NDUFAF3: variants seen among roughly 807,000 people sequenced by gnomAD.
NDUFAF3 encodes NADH:ubiquinone oxidoreductase complex assembly factor 3, also known as NADH dehydrogenase [ubiquinone] 1 alpha subcomplex assembly factor 3.
A neutral mutation model predicts 22.6 loss-of-function variants in NDUFAF3; 21 were observed. The ratio of observed to expected loss-of-function variants is 0.93; its 90% CI spans 0.66 to 1.34. The LOEUF is 1.34. Among genes scored for constraint, NDUFAF3 ranks in the 40% most tolerant of loss-of-function variants. NDUFAF3 has a pLI of 0.00. For synonymous variants in NDUFAF3, 113 were observed against 104.9 expected (o/e 1.08, Z -0.47); for missense variants, 251 against 248.4 (o/e 1.01, Z -0.07).
At chr3:49,022,074 A>G, upstream of NDUFAF3, 1 of 1,504,080 alleles carries the variant, frequency 6.6e-7, no homozygotes, top group Non-Finnish European at 9.0e-7. The surrounding 1 kb of genome is among the most constrained non-coding windows in gnomAD (Gnocchi z 6.6). Flanking sequence ...ACGCTGGGTC[A>G]GGCTCCGCAG....
At position 49,022,880 on chromosome 3, in the gene NDUFAF3, C is replaced by A; in HGVS notation, c.342C>A (p.Ile114=). The change falls in exon 4 of 5, where the codon ATC becomes ATA. Residue 114 remains isoleucine, a synonymous_variant. Coordinates refer to ENST00000326925, the MANE Select transcript of NDUFAF3 (RefSeq NM_199069.2). The surrounding 1 kb of genome is among the most constrained non-coding windows in gnomAD (Gnocchi z 6.6). ...GCCACACCCACCCTTCCCTAGAGAT[C>A]GTGGTGGTGGGGACTGGAGACCGGA... ...LFWLLEPRIE[I]VVVGTGDRTE... is the part of the protein sequence containing the mutation. 1 of 1,613,904 alleles carries A rather than the reference C, an allele frequency of 6.2e-7. No homozygotes were observed. Among genetic ancestry groups the A allele is most frequent in the South Asian group, 1.1e-5 (1 of 91,080 alleles).
At position 49,022,466 on chromosome 3, in the gene NDUFAF3, C is replaced by T; in HGVS notation, c.198C>T (p.Arg66=). ...QAMYIDSYNS[R]GFMINGNRVL... ...TGTACATCGACAGCTACAACAGCCG[C>T]GGCTTCATGATAAACGGAAACCGCG... The change falls in exon 2 of 5, where the codon CGC becomes CGT. Residue 66 remains arginine, a synonymous_variant. Coordinates refer to ENST00000326925, the MANE Select transcript of NDUFAF3 (RefSeq NM_199069.2). The surrounding 1 kb of genome is among the most constrained non-coding windows in gnomAD (Gnocchi z 6.6). The T allele has an allele frequency of 6.2e-7, 1 of 1,613,166 alleles. No homozygotes were observed.
chr3:49,023,292 T>G lies in NDUFAF3; in HGVS notation c.*120T>G. On this transcript the variant is annotated 3_prime_UTR_variant, in exon 5 of 5. Coordinates refer to ENST00000326925, the MANE Select transcript of NDUFAF3 (RefSeq NM_199069.2). ...AATAATTTATACACTTCTCCCATTT[T>G]GTATCAGGTGTGTTGCTGGCCAGGA... is the stretch of plus-strand genomic sequence containing the variant. 1 of 866,612 alleles carries G rather than the reference T, an allele frequency of 1.2e-6. No individual in the cohort carries two copies. The highest frequency in any genetic ancestry group is 2.0e-6 in the Non-Finnish European group (1 of 507,618). 53.7% of individuals were successfully genotyped at this position (866,612 alleles called of 1,614,324 possible). A position where few individuals can be genotyped will look rare whatever the true frequency, so the allele number is the denominator to read the frequency against.
upstream of NDUFAF3, chr3:49,022,072 T>G: frequency 6.7e-7 from 1 of 1,499,824 alleles, no homozygotes; most frequent in Non-Finnish European, 9.0e-7. This position sits in a 1 kb window ranked among gnomAD's most constrained non-coding sequence, Gnocchi z 6.6. Context: ...CCACGCTGGG[T>G]CAGGCTCCGC....
At position 49,023,432 on chromosome 3, in the gene NDUFAF3, C is replaced by T. The variant is rs553869005; in HGVS notation, c.*260C>T. The T allele has an allele frequency of 1.9e-6, 1 of 529,018 alleles. No homozygotes were observed. Among genetic ancestry groups the T allele is most frequent in the South Asian group, 2.0e-5 (1 of 50,096 alleles). 32.8% of individuals were successfully genotyped at this position (529,018 alleles called of 1,614,324 possible). The stretch of plus-strand genomic sequence containing the variant: ...CAGAAGTCGGGAAGCAGTATGTTTG[C>T]CTGTTGTAGACCTACTTGCTCACAT... On this transcript the variant is annotated 3_prime_UTR_variant, in exon 5 of 5. Coordinates refer to ENST00000326925, the MANE Select transcript of NDUFAF3 (RefSeq NM_199069.2).
rs902741492 is a variant in NDUFAF3 at position 49,022,501 on chromosome 3, C to G, written c.233C>G (p.Pro78Arg). The stretch of plus-strand genomic sequence containing the variant: ...ATAAACGGAAACCGCGTGCTCGGCC[C>G]CTGCGCTCTGCTCCCGCACTCGGTG... ...FMINGNRVLG[P>R]CALLPHSVVQ... Residue 78 changes from proline (P) to arginine (R), a missense_variant, in exon 2 of 5, where the codon CCC becomes CGC. Pro to Arg is a moderately radical substitution (Grantham distance 103, BLOSUM62 -2). Coordinates refer to ENST00000326925, the MANE Select transcript of NDUFAF3 (RefSeq NM_199069.2). This position sits in a 1 kb window ranked among gnomAD's most constrained non-coding sequence, Gnocchi z 6.6. 6.2e-7 allele frequency: 1 copy of G among 1,613,064 alleles called. No homozygotes were observed. The highest frequency in any genetic ancestry group is 1.3e-5 in the African/African-American group (1 of 74,938).
In NDUFAF3 at chr3:49,022,521, T is replaced by C; in HGVS notation, c.253T>C (p.Ser85Pro). The C allele has an allele frequency of 6.2e-7, 1 of 1,613,258 alleles. No homozygotes were observed. Among genetic ancestry groups the C allele is most frequent in the Non-Finnish European group, 8.5e-7 (1 of 1,179,940 alleles). ...VLGPCALLPHSVVQWNVGSHQ... is the reference protein window; with the variant it reads ...VLGPCALLPHPVVQWNVGSHQ... ...CGGCCCCTGCGCTCTGCTCCCGCAC[T>C]CGGTGGTGCAGTGGAACGTGAGTCC... The change falls in exon 2 of 5, where the codon TCG becomes CCG. Residue 85 changes from serine (S) to proline (P), a missense_variant. Ser to Pro is a moderately conservative substitution (Grantham distance 74, BLOSUM62 -1). Coordinates refer to ENST00000326925, the MANE Select transcript of NDUFAF3 (RefSeq NM_199069.2). This position sits in a 1 kb window ranked among gnomAD's most constrained non-coding sequence, Gnocchi z 6.6.
At chr3:49,020,617 C>G (rs1209607178), upstream of NDUFAF3, 4 of 485,294 alleles carry the variant, frequency 8.2e-6, no homozygotes, top group Admixed American at 4.5e-5. Flanking sequence ...GGGCGCTGCT[C>G]AGGCAGGAGA....
chr3:49,023,416 G>A lies in NDUFAF3; in HGVS notation c.*244G>A, dbSNP rs1212967298. On this transcript the variant is annotated 3_prime_UTR_variant, in exon 5 of 5. Coordinates refer to ENST00000326925, the MANE Select transcript of NDUFAF3 (RefSeq NM_199069.2). ...GGATTCCTTGACTTTTCAGAAGTCG[G>A]GAAGCAGTATGTTTGCCTGTTGTAG... The A allele has an allele frequency of 3.6e-6, 2 of 561,024 alleles. No individual in the cohort carries two copies. The highest frequency in any genetic ancestry group is 1.9e-5 in the African/African-American group (1 of 53,336). The allele number at this position is 561,024 out of a possible 1,614,324, so 34.8% of individuals were successfully genotyped here.
chr3:49,022,874 A>G lies in NDUFAF3; in HGVS notation c.338-2A>G, dbSNP rs2093175864. 6.2e-7 allele frequency: 1 copy of G among 1,611,478 alleles called. No individual in the cohort carries two copies. The highest frequency in any genetic ancestry group is 1.1e-5 in the South Asian group (1 of 91,022). On this transcript the variant is annotated splice_acceptor_variant, in intron 3 of 4. Coordinates refer to ENST00000326925, the MANE Select transcript of NDUFAF3 (RefSeq NM_199069.2). LOFTEE classifies it high-confidence loss of function. The surrounding 1 kb of genome is among the most constrained non-coding windows in gnomAD (Gnocchi z 6.6). Reference sequence around the variant, plus strand: ...AGACTAGCCACACCCACCCTTCCCTAGAGATCGTGGTGGTGGGGACTGGAG... The same window carrying G: ...AGACTAGCCACACCCACCCTTCCCTGGAGATCGTGGTGGTGGGGACTGGAG...
upstream of NDUFAF3, chr3:49,020,798 C>A (rs547121872): frequency 5.1e-6 from 2 of 395,420 alleles, no homozygotes; most frequent in African/African-American, 2.1e-5. Flanking sequence ...AGGAGGAAGA[C>A]CCGGGAGTAG....
chr3:49,020,498 C>T (rs71324931), upstream of NDUFAF3: 2 of 394,532 alleles, frequency 5.1e-6, no homozygotes, highest in Admixed American at 3.1e-5. Flanking sequence ...CCTCGGCTCT[C>T]CCACGTCTAC....
chr3:49,022,206 C>T lies in NDUFAF3; in HGVS notation c.62C>T (p.Pro21Leu), dbSNP rs199568117. Reference sequence around the variant, plus strand: ...GCGCGACCCTCGCTGCGCTGTCCGCCCGTTGAGCTTCCCTGGTGAGCTTGG... The same window carrying T: ...GCGCGACCCTCGCTGCGCTGTCCGCTCGTTGAGCTTCCCTGGTGAGCTTGG... ...YRARPSLRCP[P>L]VELPWAPRRG... is the part of the protein sequence containing the mutation. Residue 21 changes from proline (P) to leucine (L), a missense_variant, in exon 1 of 5, where the codon CCC (proline) becomes CTC (leucine). Physicochemically the swap from Pro to Leu is moderately conservative, Grantham distance 98 (BLOSUM62 -3). Coordinates refer to ENST00000326925, the MANE Select transcript of NDUFAF3 (RefSeq NM_199069.2). This position sits in a 1 kb window ranked among gnomAD's most constrained non-coding sequence, Gnocchi z 6.6. 1.4e-5 allele frequency: 23 copies of T among 1,611,052 alleles called. No homozygotes were observed. In the South Asian group the frequency reaches 2.4e-4, roughly 17 times the overall value.
At chr3:49,022,094 A>C, upstream of NDUFAF3, 1 of 1,570,098 alleles carries the variant, frequency 6.4e-7, no homozygotes, top group Non-Finnish European at 8.6e-7. This position sits in a 1 kb window ranked among gnomAD's most constrained non-coding sequence, Gnocchi z 6.6. Flanking sequence ...GGGCCCTCCC[A>C]ACCCGGGGAC....
Position 49,022,498 on chromosome 3 carries a change from G to A in NDUFAF3, c.230G>A (p.Gly77Asp), listed in dbSNP as rs1384426894. The A allele has an allele frequency of 6.2e-7, 1 of 1,613,046 alleles. No individual in the cohort carries two copies. Among genetic ancestry groups the A allele is most frequent in the Non-Finnish European group, 8.5e-7 (1 of 1,179,988 alleles). The stretch of plus-strand genomic sequence containing the variant: ...ATGATAAACGGAAACCGCGTGCTCG[G>A]CCCCTGCGCTCTGCTCCCGCACTCG... ...GFMINGNRVL[G>D]PCALLPHSVV... Residue 77 changes from glycine to aspartate, a missense_variant, in exon 2 of 5, where the codon GGC becomes GAC. Transcript: ENST00000326925. The surrounding 1 kb of genome is among the most constrained non-coding windows in gnomAD (Gnocchi z 6.6).
chr3:49,021,864 C>A (rs1352480720), upstream of NDUFAF3: 1 of 509,548 alleles, frequency 2.0e-6, no homozygotes, highest in East Asian at 3.5e-5. This position sits in a 1 kb window ranked among gnomAD's most constrained non-coding sequence, Gnocchi z 4.1. Flanking sequence ...GCCCAGGCAA[C>A]GCCCTGAGGG....
At chr3:49,022,086 G>T, upstream of NDUFAF3, 1 of 1,547,884 alleles carries the variant, frequency 6.5e-7, no homozygotes, top group Non-Finnish European at 8.7e-7. The surrounding 1 kb of genome is among the most constrained non-coding windows in gnomAD (Gnocchi z 6.6). Flanking sequence ...GCTCCGCAGG[G>T]CCCTCCCAAC....
chr3:49,022,692 C>A lies in NDUFAF3; in HGVS notation c.271-10C>A, dbSNP rs200789117. On this transcript the variant is annotated splice_polypyrimidine_tract_variant and intron_variant, in intron 2 of 4. Coordinates refer to ENST00000326925, the MANE Select transcript of NDUFAF3 (RefSeq NM_199069.2). The surrounding 1 kb of genome is among the most constrained non-coding windows in gnomAD (Gnocchi z 6.6). ...ATTTGTCGTATTAAATGTGCCTCCT[C>A]CCTGCACAGGTGGGATCCCACCAGG... 1.9e-6 allele frequency: 3 copies of A among 1,613,988 alleles called. No homozygotes were observed. The African/African-American group carries it at 4.0e-5, about 22-fold the overall frequency.
chr3:49,022,481 C>T lies in NDUFAF3; in HGVS notation c.213C>T (p.Asn71=). 1 of 1,613,162 alleles carries T rather than the reference C, an allele frequency of 6.2e-7. No individual in the cohort carries two copies. Residue 71 remains asparagine (N), a synonymous_variant, in exon 2 of 5, where the codon AAC becomes AAT. Transcript: ENST00000326925. This position sits in a 1 kb window ranked among gnomAD's most constrained non-coding sequence, Gnocchi z 6.6. ...DSYNSRGFMI[N]GNRVLGPCAL... ...ACAACAGCCGCGGCTTCATGATAAA[C>T]GGAAACCGCGTGCTCGGCCCCTGCG...
Sources: gnomAD v4.1 joint callset for allele counts on GRCh38, gnomAD v4.1.1 for gene constraint, Gnocchi (gnomAD v3.1) non-coding constraint, MANE v1.5 for transcripts, NCBI Gene and HGNC (gene_info 2026-07-23, HGNC 2026-07-21) for gene names.